ASIC4: variants seen among roughly 807,000 people sequenced by gnomAD.
The protein encoded by ASIC4 is acid sensing ion channel subunit family member 4.
In ASIC4, 28 loss-of-function variants were observed where a neutral mutation model predicts 53.4. The observed-to-expected ratio is 0.52, with a 90% CI of 0.39 to 0.72. The LOEUF (loss-of-function observed/expected upper bound fraction) is 0.72. ASIC4 is among the 30% of genes least tolerant of loss of function. The pLI is 0.00. For missense variants in ASIC4, 649 were observed against 729.7 expected (o/e 0.89, Z 1.27); for synonymous variants, 289 against 301.4 (o/e 0.96, Z 0.43).
At chr2:219,533,863 T>A (rs1162775876) in intron 5 of ASIC4, 1 of 151,970 alleles carries the variant, frequency 6.6e-6, no homozygotes, top group East Asian at 1.9e-4. Flanking sequence ...TGAGACCCTG[T>A]CTCTGCAAAA....
Position 219,537,144 on chromosome 2 carries a change from G to A in ASIC4, c.1308G>A (p.Leu436=), listed in dbSNP as rs1236523821. The A allele has an allele frequency of 6.2e-7, 1 of 1,614,060 alleles. No homozygotes were observed. Among genetic ancestry groups the A allele is most frequent in the East Asian group, 2.2e-5 (1 of 44,876 alleles). The change falls in exon 7 of 10, where the codon CTG becomes CTA. Residue 436 remains leucine (L), a synonymous_variant. Coordinates refer to ENST00000358078, the MANE Select transcript of ASIC4 (RefSeq NM_018674.6). The surrounding 1 kb of genome is among the most constrained non-coding windows in gnomAD (Gnocchi z 4.9). ...EAMEQRAAYG[L]SALLGDLGGQ... ...TGGAGCAGCGAGCAGCCTATGGCCT[G>A]TCAGCCCTGCTGGGTGAGACTGGTG...
intron 1 of ASIC4, among the ~76,000 whole-genome samples, chr2:219,530,944 C>T (rs1044618213): frequency 1.3e-5 from 2 of 152,014 alleles, no homozygotes; most frequent in Admixed American, 6.6e-5. Flanking sequence ...CCATGGCTTC[C>T]GGTAGGGAGG....
At chr2:219,513,715 C>T (rs1694731481), upstream of ASIC4, among the ~76,000 whole-genome samples, 1 of 152,218 alleles carries the variant, frequency 6.6e-6, no homozygotes, top group African/African-American at 2.4e-5. Context: ...AGCAAAGTGG[C>T]CACAGATATG....
In ASIC4 at chr2:219,537,966, G is replaced by T. The variant is rs115824877; in HGVS notation, c.1540G>T (p.Gly514Trp). 7.3e-5 allele frequency: 117 copies of T among 1,606,162 alleles called. No homozygotes were observed. Among genetic ancestry groups the T allele is most frequent in the Admixed American group, 3.9e-4 (23 of 59,670 alleles). ...CCCGAGCCGGGGCCGAGTGGAGGGT[G>T]GGGGGGTCAGCAGTCTGCTCCCCAA... ...PCPSRGRVEG[G>W]GVSSLLPNHH... Residue 514 changes from glycine (G) to tryptophan (W), a missense_variant, in exon 10 of 10, where the codon GGG becomes TGG. Gly to Trp is a radical substitution (Grantham distance 184). Transcript: ENST00000358078. This position sits in a 1 kb window ranked among gnomAD's most constrained non-coding sequence, Gnocchi z 4.9.
rs560513582 is a variant in ASIC4 at position 219,535,448 on chromosome 2, T to C, written c.1229+124T>C. On this transcript the variant is annotated intron_variant, in intron 6 of 9. Transcript: ENST00000358078. ...ATGTGTGTATGTGTTTGTGTGTATG[T>C]GGGTGTGGGTGTGTATGTGTGTGGG... 5.3e-6 allele frequency: 6 copies of C among 1,137,184 alleles called. No homozygotes were observed. In the African/African-American group the frequency reaches 9.5e-5, roughly 18 times the overall value. 70.4% of individuals were successfully genotyped at this position (1,137,184 alleles called of 1,614,324 possible).
chr2:219,533,103 C>T (rs6716083), intron 5 of ASIC4, 164 bp downstream of exon 5: 209,275 of 753,434 alleles, frequency 0.28, 29,873 homozygotes, highest in African/African-American at 0.38. Context: ...GAGAGGTCTG[C>T]GGACCTCTGC....
In ASIC4 at chr2:219,532,062, C is replaced by T. The variant is rs773111154; in HGVS notation, c.789C>T (p.Tyr263=). 4.3e-6 allele frequency: 7 copies of T among 1,614,274 alleles called. No individual in the cohort carries two copies. The highest frequency in any genetic ancestry group is 3.3e-4 in the Middle Eastern group (2 of 6,062). The change falls in exon 3 of 10, where the codon TAC becomes TAT. Residue 263 remains tyrosine, a synonymous_variant. Transcript: ENST00000358078. ...VQIHSQEEPP[Y]IHQLGFGVSP... ...TCCACAGCCAGGAGGAGCCGCCCTA[C>T]ATCCACCAGCTGGGGTTCGGGGTGT...
rs774340449 is a variant in ASIC4 at position 219,537,967 on chromosome 2, G to C, written c.1541G>C (p.Gly514Ala). The C allele has an allele frequency of 1.9e-6, 3 of 1,612,378 alleles. No individual in the cohort carries two copies. The highest frequency in any genetic ancestry group is 2.5e-6 in the Non-Finnish European group (3 of 1,179,366). ...CCGAGCCGGGGCCGAGTGGAGGGTG[G>C]GGGGGTCAGCAGTCTGCTCCCCAAT... ...PCPSRGRVEG[G>A]GVSSLLPNHH... Residue 514 changes from glycine (G) to alanine (A), a missense_variant, in exon 10 of 10, where the codon GGG becomes GCG. Gly to Ala is a moderately conservative substitution (Grantham distance 60, BLOSUM62 0). Transcript: ENST00000358078. This position sits in a 1 kb window ranked among gnomAD's most constrained non-coding sequence, Gnocchi z 4.9.
chr2:219,521,914 T>C (rs1396188858), intron 1 of ASIC4, among the ~76,000 whole-genome samples: 1 of 152,088 alleles, frequency 6.6e-6, no homozygotes, highest in Non-Finnish European at 1.5e-5. Flanking sequence ...TGGTGGAAAC[T>C]TAGGGTCTTC....
In ASIC4 at chr2:219,534,916, A is replaced by ACC. The variant is rs36123794; in HGVS notation, c.1076-247_1076-246dup. Among the ~76,000 whole-genome samples, 260 of 147,854 alleles carry ACC rather than the reference A, an allele frequency of 1.8e-3. 4 individuals are homozygous for ACC. The highest frequency in any genetic ancestry group is 8.7e-3 in the Admixed American group (130 of 14,902). On this transcript the variant is annotated intron_variant, in intron 5 of 9. Coordinates refer to ENST00000358078, the MANE Select transcript of ASIC4 (RefSeq NM_018674.6). The stretch of plus-strand genomic sequence containing the variant: ...TGTGTTCTCCCTCTGGGCCACGAGG[A>ACC]CCCCCCCCCAGTCCCAGGGGGTTGG...
intron 1 of ASIC4, among the ~76,000 whole-genome samples, chr2:219,529,929 ATGGGGACTTCACCC>A (rs1193424150): frequency 2.6e-5 from 4 of 151,894 alleles, no homozygotes; most frequent in African/African-American, 7.3e-5. Flanking sequence ...CTTCTCAGGC[ATGGGGACTTCACCC>A]TGCCCCCTAG....
At chr2:219,529,498 C>G (rs979750864) in intron 1 of ASIC4, among the ~76,000 whole-genome samples, 6 of 152,084 alleles carry the variant, frequency 3.9e-5, no homozygotes, top group African/African-American at 1.4e-4. Context: ...GAGAAAGGGA[C>G]GGGACTGGGG....
chr2:219,537,774 C>T lies in ASIC4; in HGVS notation c.1506+38C>T, dbSNP rs558829848. The T allele has an allele frequency of 3.2e-6, 5 of 1,582,990 alleles. No homozygotes were observed. The highest frequency in any genetic ancestry group is 1.3e-5 in the African/African-American group (1 of 74,164). On this transcript the variant is annotated intron_variant, in intron 9 of 9. Transcript: ENST00000358078. This position sits in a 1 kb window ranked among gnomAD's most constrained non-coding sequence, Gnocchi z 4.9. The stretch of plus-strand genomic sequence containing the variant: ...TCTAAATGCCTGCAGCATGCAGCCA[C>T]ACCTCCCCAGGACTGAATACATCCA...
upstream of ASIC4, among the ~76,000 whole-genome samples, chr2:219,513,055 C>T (rs919678700): frequency 6.6e-5 from 10 of 152,186 alleles, no homozygotes; most frequent in Non-Finnish European, 1.0e-4. Flanking sequence ...GCGGGGTGGC[C>T]GTTGGGCAGC....
At chr2:219,508,576 C>A in the ASIC4 span, among the ~76,000 whole-genome samples, 1 of 151,068 alleles carries the variant, frequency 6.6e-6, no homozygotes, top group South Asian at 2.1e-4. Flanking sequence ...GAAGGACATG[C>A]CCCCCCCACT....
At chr2:219,533,021 T>G in intron 5 of ASIC4, 82 bp downstream of exon 5, 376 of 1,339,622 alleles carry the variant, frequency 2.8e-4, no homozygotes, top group Non-Finnish European at 3.6e-4. Context: ...TCTTGGATCC[T>G]CCCCTCCCAA....
intron 1 of ASIC4, among the ~76,000 whole-genome samples, chr2:219,526,338 G>T (rs957205042): frequency 6.6e-6 from 1 of 152,298 alleles, no homozygotes; most frequent in Non-Finnish European, 1.5e-5. Context: ...CTGGCATGTT[G>T]GGTCAGGGTG....
At position 219,514,758 on chromosome 2, in the gene ASIC4, G is replaced by T; in HGVS notation, c.34G>T (p.Ala12Ser). 1 of 1,613,610 alleles carries T rather than the reference G, an allele frequency of 6.2e-7. No homozygotes were observed. The highest frequency in any genetic ancestry group is 8.5e-7 in the Non-Finnish European group (1 of 1,179,998). The change falls in exon 1 of 10, where the codon GCT becomes TCT. Residue 12 changes from alanine (A) to serine (S), a missense_variant. Ala to Ser is a moderately conservative substitution (Grantham distance 99). Coordinates refer to ENST00000358078, the MANE Select transcript of ASIC4 (RefSeq NM_018674.6). ...PIEIVCKIKF[A>S]EEDAKPKEKE... The stretch of plus-strand genomic sequence containing the variant: ...CGAGATTGTGTGCAAAATCAAATTT[G>T]CTGAGGAGGATGCGAAACCCAAGGA...
rs1189739527 is a variant in ASIC4, at chr2:219,519,484, C to G, written c.582+4178C>G. On this transcript the variant is annotated intron_variant, in intron 1 of 9. Transcript: ENST00000358078. ...GTACTAGCATTTCCATTCTATCCAG[C>G]CCTCCAAAATATGCATGCACGTGTG... Among the ~76,000 whole-genome samples the G allele has an allele frequency of 2.0e-5, 3 of 152,224 alleles. 1 individual carries two copies. In the East Asian group the frequency reaches 5.8e-4, roughly 29 times the overall value.
Sources: gnomAD v4.1 joint callset for allele counts (sites outside exome capture counted in the v4.1 genomes callset) on GRCh38, gnomAD v4.1.1 for gene constraint, Gnocchi (gnomAD v3.1) non-coding constraint, MANE v1.5 for transcripts, NCBI Gene and HGNC (gene_info 2026-07-23, HGNC 2026-07-21) for gene names.